The following ITGB8 variants were observed in gnomAD, a reference collection of about 807,000 sequenced individuals.
The protein encoded by ITGB8 is integrin beta-8.
ITGB8 carries 30 observed loss-of-function variants against 89.5 expected under a neutral mutation model. The observed-to-expected ratio is 0.34, with a 90% confidence interval of 0.25 to 0.45. The LOEUF (loss-of-function observed/expected upper bound fraction) is 0.45, where lower values mean the gene tolerates loss of function less well. ITGB8 is among the 20% of genes least tolerant of loss of function. The pLI, the probability that ITGB8 is intolerant of heterozygous loss-of-function variation, is 1.00. For missense variants in ITGB8, 836 were observed against 933.3 expected (o/e 0.90, Z 1.36); for synonymous variants, 335 against 320.4 (o/e 1.05, Z -0.49).
intron 10 of ITGB8, among the ~76,000 whole-genome samples, chr7:20,404,176 G>A (rs1224181662): frequency 6.6e-6 from 1 of 152,198 alleles, no homozygotes; most frequent in African/African-American, 2.4e-5. Context: ...TTGCCTCACA[G>A]TCCTGCAAAG....
At chr7:20,387,540 C>A (rs900677181) in intron 6 of ITGB8, among the ~76,000 whole-genome samples, 1 of 152,170 alleles carries the variant, frequency 6.6e-6, no homozygotes, top group African/African-American at 2.4e-5. Flanking sequence ...GTTTTCAGAG[C>A]CCCTGCTGGT....
intron 1 of ITGB8, among the ~76,000 whole-genome samples, chr7:20,337,622 G>A (rs1784619112): frequency 6.6e-6 from 1 of 152,186 alleles, no homozygotes; most frequent in Non-Finnish European, 1.5e-5. Flanking sequence ...ACTTCTTCCA[G>A]ATCTCTTAAC....
chr7:20,369,515 ATGTCGG>A (rs1785843275), intron 3 of ITGB8, among the ~76,000 whole-genome samples: 1 of 152,140 alleles, frequency 6.6e-6, no homozygotes, highest in Non-Finnish European at 1.5e-5. Context: ...TAATCCCATC[ATGTCGG>A]CTCCATCCTC....
Position 20,330,984 on chromosome 7 carries a change from G to C in ITGB8, c.-823G>C, listed in dbSNP as rs934455426. On this transcript the variant is annotated 5_prime_UTR_variant, in exon 1 of 14. Coordinates refer to ENST00000222573, the MANE Select transcript of ITGB8 (RefSeq NM_002214.3). The stretch of plus-strand genomic sequence containing the variant: ...AAAAGGACAAGGGCACGCAGCCCCC[G>C]CCCCGCGAAGCCGGGCTCCGGCACC... The C allele has an allele frequency of 6.6e-6, 1 of 152,358 alleles. No individual in the cohort carries two copies. The highest frequency in any genetic ancestry group is 6.5e-5 in the Admixed American group (1 of 15,292). 9.4% of individuals were successfully genotyped at this position (152,358 alleles called of 1,614,324 possible). A position where few individuals can be genotyped will look rare whatever the true frequency, so the allele number is the denominator to read the frequency against.
intron 1 of ITGB8, among the ~76,000 whole-genome samples, chr7:20,338,731 C>G (rs1247384905): frequency 6.6e-6 from 1 of 152,104 alleles, no homozygotes; most frequent in Non-Finnish European, 1.5e-5. Flanking sequence ...TCTTGACTAC[C>G]TCATGTCAAA....
At chr7:20,392,132 T>G (rs908357280) in intron 7 of ITGB8, among the ~76,000 whole-genome samples, 2 of 152,186 alleles carry the variant, frequency 1.3e-5, no homozygotes, top group Non-Finnish European at 2.9e-5. Flanking sequence ...ACTGTTCCTC[T>G]GCAACCCTGT....
chr7:20,391,840 C>G (rs1786870983), intron 7 of ITGB8, among the ~76,000 whole-genome samples: 1 of 152,164 alleles, frequency 6.6e-6, no homozygotes, highest in African/African-American at 2.4e-5. Flanking sequence ...TCTTGCATGT[C>G]TAGAGTGCTT....
rs757386626 is a variant in ITGB8 at position 20,391,371 on chromosome 7, C to T, written c.961-32C>T. On this transcript the variant is annotated intron_variant, in intron 6 of 13. Coordinates refer to ENST00000222573, the MANE Select transcript of ITGB8 (RefSeq NM_002214.3). ...TGAATAGGATGGAGCTATGAAATTT[C>T]ATTCCCTTATTTATTTTATTATTCA... 5 of 1,221,038 alleles carry T rather than the reference C, an allele frequency of 4.1e-6. No homozygotes were observed. In the Admixed American group the frequency reaches 8.0e-5, roughly 20 times the overall value. 75.6% of individuals were successfully genotyped at this position (1,221,038 alleles called of 1,614,324 possible).
At chr7:20,386,556 C>A (rs1786635127) in intron 6 of ITGB8, among the ~76,000 whole-genome samples, 1 of 151,820 alleles carries the variant, frequency 6.6e-6, no homozygotes, top group South Asian at 2.1e-4. Flanking sequence ...CTGCGCCTGG[C>A]CTGAGAACAT....
At chr7:20,403,490 G>A (rs941512188) in intron 10 of ITGB8, among the ~76,000 whole-genome samples, 2 of 152,192 alleles carry the variant, frequency 1.3e-5, no homozygotes, top group African/African-American at 4.8e-5. Context: ...AGTGCAGACT[G>A]TAACTGACAT....
intron 6 of ITGB8, among the ~76,000 whole-genome samples, chr7:20,387,270 C>T (rs899302924): frequency 6.6e-6 from 1 of 152,214 alleles, no homozygotes; most frequent in Non-Finnish European, 1.5e-5. Context: ...TGGAATCACA[C>T]ACCCTTATAT....
chr7:20,371,632 CTATA>C lies in ITGB8; in HGVS notation c.388+4449_388+4452del, dbSNP rs796137436. 5.3e-5 allele frequency among the ~76,000 whole-genome samples: 8 copies of C among 152,214 alleles called. No homozygotes were observed. The East Asian group carries it at 1.5e-3, about 29-fold the overall frequency. ...ATAATATCATAACAATGACAGTTCT[CTATA>C]TAGTCTATAAGTATAACAAAGTCCA... On this transcript the variant is annotated intron_variant, in intron 3 of 13. Transcript: ENST00000222573.
chr7:20,398,518 A>G (rs1787179306), intron 8 of ITGB8, among the ~76,000 whole-genome samples: 1 of 152,252 alleles, frequency 6.6e-6, no homozygotes, highest in African/African-American at 2.4e-5. Flanking sequence ...CTCAAGGTTT[A>G]ATTACACTTT....
chr7:20,403,794 G>GA (rs1263219478), intron 10 of ITGB8, among the ~76,000 whole-genome samples: 1 of 152,024 alleles, frequency 6.6e-6, no homozygotes, highest in Non-Finnish European at 1.5e-5. Flanking sequence ...AAGGGAGAGG[G>GA]AGAAAAGAGG....
intron 6 of ITGB8, among the ~76,000 whole-genome samples, chr7:20,383,740 AGT>A (rs1786496983): frequency 6.6e-6 from 1 of 152,186 alleles, no homozygotes; most frequent in Non-Finnish European, 1.5e-5. Context: ...TTATAAGTCC[AGT>A]GGAATTTTAG....
intron 1 of ITGB8, among the ~76,000 whole-genome samples, chr7:20,344,599 A>G (rs1163138070): frequency 6.6e-6 from 1 of 152,220 alleles, no homozygotes; most frequent in Non-Finnish European, 1.5e-5. Context: ...TTCAGGGACA[A>G]CCTGTAGGAA....
chr7:20,415,667 G>A lies in ITGB8; in HGVS notation c.*5670G>A, dbSNP rs1787902811. ...ACAGAGCTTATAACAGTTAGGACAA[G>A]GCATTTAATTAATGCATCATTCTGT... On this transcript the variant is annotated 3_prime_UTR_variant, in exon 14 of 14. Transcript: ENST00000222573. The A allele has an allele frequency of 6.6e-6, 1 of 152,498 alleles. No individual in the cohort carries two copies. The highest frequency in any genetic ancestry group is 2.1e-4 in the South Asian group (1 of 4,826). The allele number at this position is 152,498 out of a possible 1,614,324, so 9.4% of individuals were successfully genotyped here. A position where few individuals can be genotyped will look rare whatever the true frequency, so the allele number is the denominator to read the frequency against.
At chr7:20,335,791 A>C (rs1183214332) in intron 1 of ITGB8, among the ~76,000 whole-genome samples, 1 of 151,880 alleles carries the variant, frequency 6.6e-6, no homozygotes, top group Non-Finnish European at 1.5e-5. Flanking sequence ...CTTAATCTCC[A>C]TCCTGCTTGA....
intron 9 of ITGB8, among the ~76,000 whole-genome samples, chr7:20,399,990 T>C (rs559811381): frequency 1.3e-5 from 2 of 152,332 alleles, no homozygotes; most frequent in South Asian, 4.1e-4. Context: ...AAGTTTCTAA[T>C]TCTGTGGTTT....
Sources: allele counts gnomAD v4.1 joint callset (sites outside exome capture counted in the v4.1 genomes callset), GRCh38; gene constraint gnomAD v4.1.1; transcripts MANE v1.5; gene names NCBI Gene and HGNC (gene_info 2026-07-23, HGNC 2026-07-21).